SAMHD1: variants seen among roughly 807,000 people sequenced by gnomAD.
SAMHD1 encodes the protein deoxynucleoside triphosphate triphosphohydrolase SAMHD1.
Under a neutral mutation model 79.6 loss-of-function variants are expected in SAMHD1, and 54 were observed. The observed-to-expected ratio is 0.68, with a 90% CI of 0.55 to 0.85. SAMHD1 has a LOEUF of 0.85. Ranked by LOEUF, SAMHD1 falls within the 40% of genes least tolerant of loss-of-function variation. SAMHD1 has a pLI of 0.00. For synonymous variants in SAMHD1, 260 were observed against 264.1 expected (o/e 0.98, Z 0.15); for missense variants, 663 against 782.7 (o/e 0.85, Z 1.82).
intron 11 of SAMHD1, 138 bp downstream of exon 11, chr20:36,911,080 C>A: frequency 1.7e-6 from 1 of 595,968 alleles, no homozygotes; most frequent in Non-Finnish European, 2.9e-6. Flanking sequence ...ATAGTGAGAC[C>A]CTTTCTTTAT....
intron 3 of SAMHD1, among the ~76,000 whole-genome samples, chr20:36,936,126 G>A (rs889160918): frequency 6.6e-6 from 1 of 151,840 alleles, no homozygotes; most frequent in Non-Finnish European, 1.5e-5. Context: ...GTAGTCCCGG[G>A]TACTCTAGAG....
chr20:36,912,318 T>A, intron 10 of SAMHD1, 143 bp downstream of exon 10: 1 of 654,700 alleles, frequency 1.5e-6, no homozygotes, highest in East Asian at 2.8e-5. Context: ...ATGCTAGATT[T>A]TTTTTCTTTA....
At chr20:36,913,907 C>A (rs1251949485) in intron 9 of SAMHD1, among the ~76,000 whole-genome samples, 1 of 151,882 alleles carries the variant, frequency 6.6e-6, no homozygotes, top group Non-Finnish European at 1.5e-5. Context: ...GTGTATGCTA[C>A]CACGCCTGGC....
chr20:36,927,995 T>C (rs1036821271), intron 5 of SAMHD1, among the ~76,000 whole-genome samples: 3 of 152,198 alleles, frequency 2.0e-5, no homozygotes, highest in African/African-American at 7.2e-5. Flanking sequence ...CAGGGCTTGA[T>C]AAATGGACAA....
At chr20:36,915,051 C>G (rs1241535875) in intron 9 of SAMHD1, among the ~76,000 whole-genome samples, 1 of 151,880 alleles carries the variant, frequency 6.6e-6, no homozygotes, top group Non-Finnish European at 1.5e-5. Context: ...ATACACGTAA[C>G]ATTCAAAATA....
Position 36,897,960 on chromosome 20 carries a change from C to A in SAMHD1, c.1609-1G>T, listed in dbSNP as rs515726143. 1 of 1,613,950 alleles carries A rather than the reference C, an allele frequency of 6.2e-7. No individual in the cohort carries two copies. Among genetic ancestry groups the A allele is most frequent in the African/African-American group, 1.3e-5 (1 of 74,924 alleles). Reference sequence around the variant, plus strand: ...ATTTCTCTGGCAGAAGTTGTGAAACCTTTTTAAAATGAAGAGATTTCACTA... The same window carrying A: ...ATTTCTCTGGCAGAAGTTGTGAAACATTTTTAAAATGAAGAGATTTCACTA... On this transcript the variant is annotated splice_acceptor_variant, in intron 14 of 15. Coordinates refer to ENST00000646673, the MANE Select transcript of SAMHD1 (RefSeq NM_015474.4). LOFTEE classifies it high-confidence loss of function.
rs1990035318 is a variant in SAMHD1, at chr20:36,890,396, C to CTCTTTCTTTCTTTCTTTCTTTCTCTCTT, written c.*2535_*2536insAAGAGAGAAAGAAAGAAAGAAAGAAAGA. On this transcript the variant is annotated 3_prime_UTR_variant, in exon 16 of 16. Coordinates refer to ENST00000646673, the MANE Select transcript of SAMHD1 (RefSeq NM_015474.4). ...ATACAAATAGCAAAGATATTTCTTT[C>CTCTTTCTTTCTTTCTTTCTTTCTCTCTT]TCTTTCTTTCTTTCTTTCTTTCTTT... 7.0e-6 allele frequency: 1 copy of CTCTTTCTTTCTTTCTTTCTTTCTCTCTT among 142,450 alleles called. No individual in the cohort carries two copies. The highest frequency in any genetic ancestry group is 2.5e-4 in the South Asian group (1 of 4,042). 8.8% of individuals were successfully genotyped at this position (142,450 alleles called of 1,614,324 possible). A position where few individuals can be genotyped will look rare whatever the true frequency, so the allele number is the denominator to read the frequency against.
chr20:36,893,627 C>G (rs1990134696), intron 15 of SAMHD1: 1 of 363,918 alleles, frequency 2.7e-6, no homozygotes, highest in Non-Finnish European at 4.9e-6. Flanking sequence ...TGACGTGAAA[C>G]CATAGAGGTA....
At chr20:36,908,657 A>G (rs2063419293) in intron 11 of SAMHD1, among the ~76,000 whole-genome samples, 1 of 152,130 alleles carries the variant, frequency 6.6e-6, no homozygotes, top group African/African-American at 2.4e-5. Context: ...TTTTCTAGTA[A>G]TTCATTTTTA....
chr20:36,914,272 G>A (rs569914749), intron 9 of SAMHD1, among the ~76,000 whole-genome samples: 349 of 152,148 alleles, frequency 2.3e-3, no homozygotes, highest in Non-Finnish European at 3.3e-3. Flanking sequence ...ATGTGAAGAC[G>A]ATGAGGATGA....
intron 10 of SAMHD1, chr20:36,911,699 A>G (rs2148365272): frequency 9.5e-6 from 2 of 211,232 alleles, no homozygotes; most frequent in East Asian, 2.3e-4. Flanking sequence ...AAACAACAAC[A>G]ATAACAACAA....
At position 36,909,543 on chromosome 20, in the gene SAMHD1, C is replaced by T. The variant is rs375920068; in HGVS notation, c.1270+1675G>A. On this transcript the variant is annotated intron_variant, in intron 11 of 15. Coordinates refer to ENST00000646673, the MANE Select transcript of SAMHD1 (RefSeq NM_015474.4). ...AAAATTAGCTGGGCATGGTGGTGGG[C>T]GCCTGTAATCCCAGCTACTCAGGAG... Among the ~76,000 whole-genome samples, 16 of 151,538 alleles carry T rather than the reference C, an allele frequency of 1.1e-4. No homozygotes were observed. The East Asian group carries it at 1.6e-3, about 15-fold the overall frequency.
chr20:36,909,496 C>T (rs773672771), intron 11 of SAMHD1, among the ~76,000 whole-genome samples: 2 of 151,570 alleles, frequency 1.3e-5, no homozygotes, highest in Non-Finnish European at 2.9e-5. Flanking sequence ...TGGTGAAACC[C>T]CGTCTCTAGT....
intron 6 of SAMHD1, among the ~76,000 whole-genome samples, chr20:36,924,438 AAG>A (rs1390715443): frequency 6.6e-6 from 1 of 152,170 alleles, no homozygotes; most frequent in Non-Finnish European, 1.5e-5. Flanking sequence ...AAAAAAAGAA[AAG>A]AGCATAAATC....
Position 36,898,531 on chromosome 20 carries a change from T to C in SAMHD1, c.1517A>G (p.Asp506Gly), listed in dbSNP as rs762010553. 1.2e-6 allele frequency: 2 copies of C among 1,613,112 alleles called. No homozygotes were observed. Among genetic ancestry groups the C allele is most frequent in the African/African-American group, 2.7e-5 (2 of 74,972 alleles). ...TGGATTCTTTTCTTGCATTCCATAA[T>C]CCATGTTGATAACCTAAATAAAAGC... ...EDFIVDVINMDYGMQEKNPID... is the reference protein window; with the variant it reads ...EDFIVDVINMGYGMQEKNPID... Residue 506 changes from aspartate (D) to glycine (G), a missense_variant, in exon 14 of 16, where the codon GAT (aspartate) becomes GGT (glycine). By Grantham distance (94) the Asp-to-Gly change is moderately conservative. Transcript: ENST00000646673.
chr20:36,945,402 T>C (rs2063678905), intron 2 of SAMHD1, among the ~76,000 whole-genome samples: 1 of 152,160 alleles, frequency 6.6e-6, no homozygotes, highest in Non-Finnish European at 1.5e-5. Flanking sequence ...CAGGGCATAT[T>C]CCAATCTTTA....
At chr20:36,905,711 C>T (rs1393456598) in intron 11 of SAMHD1, among the ~76,000 whole-genome samples, 1 of 152,128 alleles carries the variant, frequency 6.6e-6, no homozygotes, top group African/African-American at 2.4e-5. Flanking sequence ...TGGCTCATGC[C>T]TGCAATCCCA....
At chr20:36,943,006 A>G (rs1226790003) in intron 2 of SAMHD1, among the ~76,000 whole-genome samples, 1 of 152,144 alleles carries the variant, frequency 6.6e-6, no homozygotes, top group Non-Finnish European at 1.5e-5. Context: ...TGTTCATAAA[A>G]TTGAGGGCCT....
Position 36,923,619 on chromosome 20 carries a change from T to C in SAMHD1, c.696+3563A>G, listed in dbSNP as rs887609545. On this transcript the variant is annotated intron_variant, in intron 6 of 15. Transcript: ENST00000646673. ...TAAGTATAACAAAGATGTATGACTT[T>C]CATGGCAAGCCTAGGCAACATAGTA... 3.4e-4 allele frequency among the ~76,000 whole-genome samples: 52 copies of C among 152,182 alleles called. 1 individual carries two copies. The highest frequency in any genetic ancestry group is 1.2e-3 in the African/African-American group (51 of 41,514).
Sources: allele counts gnomAD v4.1 joint callset (sites outside exome capture counted in the v4.1 genomes callset), GRCh38; gene constraint gnomAD v4.1.1; transcripts MANE v1.5; gene names NCBI Gene and HGNC (gene_info 2026-07-23, HGNC 2026-07-21).